The following ARID1B variants were observed in gnomAD, a reference collection of about 807,000 sequenced individuals.
The protein encoded by ARID1B is AT-rich interaction domain 1B.
In ARID1B, 30 loss-of-function variants were observed where a neutral mutation model predicts 212.3. The ratio of observed to expected loss-of-function variants is 0.14; its 90% CI spans 0.11 to 0.19. ARID1B has a LOEUF of 0.19. Among genes scored for constraint, ARID1B ranks in the 10% least tolerant of loss-of-function variants. ARID1B has a pLI of 1.00. For synonymous variants in ARID1B, 1,402 were observed against 1,301.7 expected (o/e 1.08, Z -1.66); for missense variants, 2,891 against 3,204.0 (o/e 0.90, Z 2.36).
intron 4 of ARID1B, among the ~76,000 whole-genome samples, chr6:157,034,383 A>G (rs547701063): frequency 7.4e-4 from 113 of 152,382 alleles, no homozygotes; most frequent in Middle Eastern, 3.4e-3. Flanking sequence ...GTGTCTTCCC[A>G]GTACAGTATC....
At chr6:156,812,985 T>TATATAC (rs1562404171) in intron 1 of ARID1B, among the ~76,000 whole-genome samples, 21 of 106,392 alleles carry the variant, frequency 2.0e-4, no homozygotes, top group Non-Finnish European at 3.6e-4. Context: ...TGTATGTATA[T>TATATAC]ACATACGTAT....
At chr6:157,110,279 T>A (rs1786811598) in intron 5 of ARID1B, among the ~76,000 whole-genome samples, 193 bp from the exon 6 acceptor site, 1 of 152,236 alleles carries the variant, frequency 6.6e-6, no homozygotes, top group Non-Finnish European at 1.5e-5. Flanking sequence ...TTTAGCTAAA[T>A]ATGTTTATTC....
chr6:156,864,626 T>G (rs1785555455), intron 2 of ARID1B, among the ~76,000 whole-genome samples: 2 of 152,332 alleles, frequency 1.3e-5, no homozygotes, highest in Middle Eastern at 6.8e-3. Flanking sequence ...CTTTCAACCC[T>G]TGTAGCTGCT....
intron 1 of ARID1B, among the ~76,000 whole-genome samples, chr6:156,801,497 C>A (rs1780785761): frequency 6.6e-6 from 1 of 152,108 alleles, no homozygotes; most frequent in South Asian, 2.1e-4. Context: ...CCGCACCCGG[C>A]CTCATCATTG....
intron 4 of ARID1B, among the ~76,000 whole-genome samples, chr6:157,082,419 C>T (rs934666734): frequency 6.6e-6 from 1 of 152,264 alleles, no homozygotes; most frequent in Admixed American, 6.5e-5. Flanking sequence ...TAAAGTTTCA[C>T]CAGCTGAATA....
At chr6:157,125,218 G>A (rs1037463986) in intron 6 of ARID1B, among the ~76,000 whole-genome samples, 1 of 152,152 alleles carries the variant, frequency 6.6e-6, no homozygotes, top group African/African-American at 2.4e-5. Flanking sequence ...CCAAGTGTAG[G>A]CACCAGCCTT....
intron 2 of ARID1B, among the ~76,000 whole-genome samples, chr6:156,842,453 T>G (rs1783967048): frequency 6.6e-6 from 1 of 152,240 alleles, no homozygotes; most frequent in Non-Finnish European, 1.5e-5. Flanking sequence ...TTCATTCCTT[T>G]CTATGGCTTA....
intron 2 of ARID1B, among the ~76,000 whole-genome samples, chr6:156,864,950 TATATAAACTTACC>T (rs1785579349): frequency 6.6e-6 from 1 of 152,234 alleles, no homozygotes; most frequent in African/African-American, 2.4e-5. Flanking sequence ...TTAAATTTTC[TATATAAACTTACC>T]ATGCACTCCC....
chr6:157,192,701 G>A (rs919941360), intron 15 of ARID1B, among the ~76,000 whole-genome samples: 1 of 152,106 alleles, frequency 6.6e-6, no homozygotes, highest in Non-Finnish European at 1.5e-5. Context: ...AATGATCCCC[G>A]GTGGCAAGTA....
chr6:156,862,198 T>G (rs750634002), intron 2 of ARID1B, among the ~76,000 whole-genome samples: 2 of 152,126 alleles, frequency 1.3e-5, no homozygotes, highest in Non-Finnish European at 2.9e-5. Context: ...CTACAGTTAC[T>G]GTGTGGCTCA....
At chr6:156,895,939 C>T (rs554931538) in intron 2 of ARID1B, among the ~76,000 whole-genome samples, 14 of 152,312 alleles carry the variant, frequency 9.2e-5, no homozygotes, top group Middle Eastern at 6.8e-3. Context: ...TAATATCTTA[C>T]GTATTCAAAT....
At chr6:156,801,411 G>A (rs1301834624) in intron 1 of ARID1B, among the ~76,000 whole-genome samples, 1 of 151,628 alleles carries the variant, frequency 6.6e-6, no homozygotes, top group African/African-American at 2.4e-5. Context: ...ATCTTGGCTG[G>A]GCTGGTCTTG....
At chr6:156,913,175 C>T (rs112205570) in intron 3 of ARID1B, among the ~76,000 whole-genome samples, 8,238 of 150,062 alleles carry the variant, frequency 0.055, 779 homozygotes, top group African/African-American at 0.19. Flanking sequence ...TTACCATTTT[C>T]GTGGTAGGAA....
intron 2 of ARID1B, among the ~76,000 whole-genome samples, chr6:156,830,019 C>T (rs887008771): frequency 1.3e-5 from 2 of 152,062 alleles, no homozygotes; most frequent in Non-Finnish European, 2.9e-5. Flanking sequence ...TTTTCCTGTT[C>T]TTAAGAGACC....
intron 5 of ARID1B, among the ~76,000 whole-genome samples, chr6:157,104,099 T>G (rs1388985618): frequency 6.6e-6 from 1 of 152,080 alleles, no homozygotes; most frequent in Non-Finnish European, 1.5e-5. Flanking sequence ...CCTCCCAAAG[T>G]GCTGGGATTA....
rs569935262 is a variant in ARID1B at position 157,046,041 on chromosome 6, T to C, written c.2248-38621T>C. 1.9e-3 allele frequency among the ~76,000 whole-genome samples: 287 copies of C among 152,318 alleles called. 1 individual carries two copies. The highest frequency in any genetic ancestry group is 6.7e-3 in the African/African-American group (278 of 41,586). The stretch of plus-strand genomic sequence containing the variant: ...AATTTCCCAGCCTCTGCCTCTGCCA[T>C]CTGCTGGTAGTTCAGACAGTTACAT... On this transcript the variant is annotated intron_variant, in intron 4 of 19. Coordinates refer to ENST00000636930, the MANE Select transcript of ARID1B (RefSeq NM_001374828.1).
intron 2 of ARID1B, among the ~76,000 whole-genome samples, chr6:156,896,419 TATATA>T (rs910612671): frequency 6.7e-6 from 1 of 149,334 alleles, no homozygotes; most frequent in Admixed American, 6.7e-5. Context: ...CTACTAAAAA[TATATA>T]AATTAGCTGG....
chr6:157,084,238 G>A (rs6908126), intron 4 of ARID1B, among the ~76,000 whole-genome samples: 92,827 of 151,506 alleles, frequency 0.61, 28,689 homozygotes, highest in East Asian at 0.73. Context: ...TAGTCCACCA[G>A]TGTCAAATTC....
intron 5 of ARID1B, among the ~76,000 whole-genome samples, chr6:157,097,452 C>T (rs753613111): frequency 5.3e-5 from 8 of 152,186 alleles, no homozygotes; most frequent in Non-Finnish European, 8.8e-5. Context: ...CTGGAAAACA[C>T]GGTCCCTCGT....
Sources: allele counts gnomAD v4.1 joint callset (sites outside exome capture counted in the v4.1 genomes callset), GRCh38; gene constraint gnomAD v4.1.1; transcripts MANE v1.5; gene names NCBI Gene and HGNC (gene_info 2026-07-23, HGNC 2026-07-21).